TSPAN15: variants seen among roughly 807,000 people sequenced by gnomAD.
The protein encoded by TSPAN15 is tetraspanin 15.
In TSPAN15, 20 loss-of-function variants were observed where a neutral mutation model predicts 34.5. That is an observed-to-expected ratio of 0.58 (90% CI 0.41 to 0.84). The LOEUF is 0.84. Ranked by LOEUF, TSPAN15 falls within the 40% of genes least tolerant of loss-of-function variation. The probability of loss-of-function intolerance (pLI) is 0.00; values close to 1 mark genes in which losing one functional copy is unlikely to be tolerated. For missense variants in TSPAN15, 313 were observed against 386.1 expected (o/e 0.81, Z 1.59); for synonymous variants, 155 against 153.9 (o/e 1.01, Z -0.05).
intron 3 of TSPAN15, among the ~76,000 whole-genome samples, chr10:69,487,694 G>T (rs942363175): frequency 6.6e-6 from 1 of 152,252 alleles, no homozygotes; most frequent in African/African-American, 2.4e-5. Context: ...CCAGTGCCCT[G>T]TAGGTCAACA....
At chr10:69,464,392 AGAGGGGTTGGGGGAG>A (rs550857818) in intron 1 of TSPAN15, among the ~76,000 whole-genome samples, 1 of 151,878 alleles carries the variant, frequency 6.6e-6, no homozygotes, top group South Asian at 2.1e-4. Context: ...GGGCGAGAAC[AGAGGGGTTGGGGGAG>A]GAGTGAGACT....
chr10:69,486,773 C>T (rs568351794), intron 3 of TSPAN15, among the ~76,000 whole-genome samples: 2 of 152,346 alleles, frequency 1.3e-5, no homozygotes, highest in South Asian at 2.1e-4. Context: ...TCTGCTGGGG[C>T]CTCCTGCAGT....
chr10:69,465,103 A>G (rs570974829), intron 1 of TSPAN15, among the ~76,000 whole-genome samples: 10 of 152,336 alleles, frequency 6.6e-5, no homozygotes, highest in Admixed American at 5.2e-4. Flanking sequence ...TCCTAGCAGC[A>G]TGCTCTGACA....
chr10:69,541,067 TC>T, the TSPAN15 span, among the ~76,000 whole-genome samples: 1 of 152,104 alleles, frequency 6.6e-6, no homozygotes, highest in Admixed American at 6.5e-5. Flanking sequence ...TGTGGAAGTT[TC>T]CCAGAATGAT....
At chr10:69,517,893 G>A in the TSPAN15 span, among the ~76,000 whole-genome samples, 1 of 152,190 alleles carries the variant, frequency 6.6e-6, no homozygotes, top group Non-Finnish European at 1.5e-5. Context: ...ATGGGAAAGG[G>A]GGTAGCTACA....
the TSPAN15 span, among the ~76,000 whole-genome samples, chr10:69,539,726 A>G: frequency 6.6e-6 from 1 of 152,076 alleles, no homozygotes; most frequent in South Asian, 2.1e-4. Flanking sequence ...TCCTTCTATT[A>G]TGTTGCTCCC....
At chr10:69,524,121 G>T in the TSPAN15 span, among the ~76,000 whole-genome samples, 1 of 148,056 alleles carries the variant, frequency 6.8e-6, no homozygotes, top group Non-Finnish European at 1.5e-5. Flanking sequence ...CAAAATCAGT[G>T]TGGCCCTCAG....
At chr10:69,548,786 G>C in the TSPAN15 span, among the ~76,000 whole-genome samples, 6 of 152,096 alleles carry the variant, frequency 3.9e-5, no homozygotes, top group Admixed American at 3.3e-4. Flanking sequence ...GGAGAAGTAA[G>C]ATAAAAAGAT....
rs1564618339 is a variant in TSPAN15, at chr10:69,506,890, A to T, written c.797A>T (p.His266Leu). 1 of 1,606,204 alleles carries T rather than the reference A, an allele frequency of 6.2e-7. No homozygotes were observed. Among genetic ancestry groups the T allele is most frequent in the Admixed American group, 1.7e-5 (1 of 58,808 alleles). The change falls in exon 8 of 8, where the codon CAC becomes CTC. Residue 266 changes from histidine (H) to leucine (L), a missense_variant. Physicochemically the swap from His to Leu is moderately conservative, Grantham distance 99 (BLOSUM62 -3). Transcript: ENST00000373290. This position sits in a 1 kb window ranked among gnomAD's most constrained non-coding sequence, Gnocchi z 4.7. ...ITRVEDIIME[H>L]SVTDGLLGPG... is the part of the protein sequence containing the mutation. ...CGGGTGGAGGACATCATCATGGAGC[A>T]CTCTGTCACTGATGGGCTCCTGGGG...
intron 1 of TSPAN15, among the ~76,000 whole-genome samples, chr10:69,458,883 G>A (rs2133061132): frequency 6.6e-6 from 1 of 152,284 alleles, no homozygotes; most frequent in East Asian, 1.9e-4. Context: ...GGACCTTGCT[G>A]CCTTTGGGTT....
rs189032763 is a variant in TSPAN15, at chr10:69,483,884, G to A, written c.282+8G>A. 3.9e-4 allele frequency: 628 copies of A among 1,610,824 alleles called. 2 individuals are homozygous for A. Among genetic ancestry groups the A allele is most frequent in the Admixed American group, 2.7e-3 (164 of 59,924 alleles). On this transcript the variant is annotated splice_region_variant and intron_variant, in intron 2 of 7. Coordinates refer to ENST00000373290, the MANE Select transcript of TSPAN15 (RefSeq NM_012339.5). ...CTGTACCTTCTCCAAGCAGTGAGTG[G>A]ACCACACCACCCCTCAGCCGGGACT...
intron 1 of TSPAN15, among the ~76,000 whole-genome samples, chr10:69,456,922 T>G (rs12241097): frequency 0.23 from 35,421 of 152,050 alleles, 4,185 homozygotes; most frequent in Non-Finnish European, 0.25. Flanking sequence ...GGCTCACTTG[T>G]CAGAGCTGGC....
intron 1 of TSPAN15, among the ~76,000 whole-genome samples, chr10:69,478,284 G>C (rs1589636342): frequency 6.6e-6 from 1 of 152,214 alleles, no homozygotes; most frequent in Admixed American, 6.5e-5. Flanking sequence ...CTGGGCAGGA[G>C]GAGGGGGTCC....
downstream of TSPAN15, among the ~76,000 whole-genome samples, chr10:69,509,646 G>A (rs1032014191): frequency 3.3e-5 from 5 of 152,104 alleles, no homozygotes; most frequent in Non-Finnish European, 7.4e-5. Flanking sequence ...TTTTAGTCAT[G>A]AAGTCCTTGC....
chr10:69,455,559 CTTTCTTTCTTTCTCT>C (rs1841073456), intron 1 of TSPAN15, among the ~76,000 whole-genome samples: 1 of 136,180 alleles, frequency 7.3e-6, no homozygotes, highest in Non-Finnish European at 1.5e-5. Flanking sequence ...CTCTCTCTCT[CTTTCTTTCTTTCTCT>C]TTTCTTTCTT....
Position 69,492,353 on chromosome 10 carries a change from A to AC in TSPAN15, c.358-3236dup, listed in dbSNP as rs531645976. On this transcript the variant is annotated intron_variant, in intron 3 of 7. Transcript: ENST00000373290. ...TCACGGGATCTTCTCACACACACCC[A>AC]CCCCCAACCATCGCCCCTCACAGCA... Among the ~76,000 whole-genome samples the AC allele has an allele frequency of 4.6e-5, 7 of 151,958 alleles. No individual in the cohort carries two copies. The South Asian group carries it at 6.3e-4, about 14-fold the overall frequency.
intron 1 of TSPAN15, among the ~76,000 whole-genome samples, chr10:69,457,004 G>A (rs56979471): frequency 0.12 from 17,569 of 152,084 alleles, 1,019 homozygotes; most frequent in African/African-American, 0.12. Context: ...GGATGTCTGC[G>A]GGAGAAATGA....
chr10:69,543,844 A>AGTGTGTGTGTGTGTGTGTGTGTGTGT, the TSPAN15 span, among the ~76,000 whole-genome samples: 7 of 73,738 alleles, frequency 9.5e-5, no homozygotes, highest in Admixed American at 4.3e-4. Flanking sequence ...GAAGAAGGGG[A>AGTGTGTGTGTGTGTGTGTGTGTGTGT]GTGTGTGTGT....
chr10:69,545,926 A>T, the TSPAN15 span, among the ~76,000 whole-genome samples: 1 of 152,154 alleles, frequency 6.6e-6, no homozygotes, highest in Admixed American at 6.5e-5. Flanking sequence ...ACTGCACTCC[A>T]GCCCGGGTGA....
Sources: allele counts gnomAD v4.1 joint callset (sites outside exome capture counted in the v4.1 genomes callset), GRCh38; gene constraint gnomAD v4.1.1; non-coding constraint Gnocchi (gnomAD v3.1); transcripts MANE v1.5; gene names NCBI Gene and HGNC (gene_info 2026-07-23, HGNC 2026-07-21).